FDX1: variants seen among roughly 807,000 people sequenced by gnomAD.
FDX1 encodes adrenodoxin, mitochondrial.
A neutral mutation model predicts 14.9 loss-of-function variants in FDX1; 9 were observed. The observed-to-expected ratio is 0.60, with a 90% CI of 0.36 to 1.05. The LOEUF (loss-of-function observed/expected upper bound fraction) is 1.05, where lower values mean the gene tolerates loss of function less well. FDX1 is among the 50% of genes least tolerant of loss of function. FDX1 has a pLI of 0.01. For missense variants in FDX1, 204 were observed against 237.2 expected (o/e 0.86, Z 0.92); for synonymous variants, 92 against 99.4 (o/e 0.93, Z 0.44).
intron 1 of FDX1, among the ~76,000 whole-genome samples, chr11:110,432,462 G>T (rs1946338026): frequency 6.6e-6 from 1 of 152,040 alleles, no homozygotes; most frequent in African/African-American, 2.4e-5. Flanking sequence ...GTGGTGTTTG[G>T]TTAATGGGTT....
In FDX1 at chr11:110,454,896, A is replaced by C. The variant is rs553021816; in HGVS notation, c.311-2022A>C. On this transcript the variant is annotated intron_variant, in intron 2 of 3. Transcript: ENST00000260270. ...AGTCTGGCTAACAGCCCATGCCCCT[A>C]ACTCTGAACTTCACTATATGGTCTC... Among the ~76,000 whole-genome samples the C allele has an allele frequency of 6.6e-5, 10 of 152,334 alleles. No homozygotes were observed. In the South Asian group the frequency reaches 1.2e-3, roughly 19 times the overall value.
intron 2 of FDX1, among the ~76,000 whole-genome samples, chr11:110,456,509 C>CTTTTTTTTTTTTTTTTTTTTTT (rs11463993): frequency 2.4e-5 from 2 of 83,806 alleles, no homozygotes; most frequent in African/African-American, 4.9e-5. Context: ...TTTATGTATT[C>CTTTTTTTTTTTTTTTTTTTTTT]TTTTTTTTTT....
intron 3 of FDX1, 133 bp downstream of exon 3, chr11:110,457,180 G>A (rs1311387286): frequency 4.1e-6 from 3 of 728,590 alleles, no homozygotes; most frequent in East Asian, 5.8e-5. Flanking sequence ...CAGATTTTGA[G>A]TATCAGATAT....
intron 1 of FDX1, among the ~76,000 whole-genome samples, chr11:110,431,170 A>G (rs578184977): frequency 4.6e-5 from 7 of 152,360 alleles, no homozygotes; most frequent in Admixed American, 2.6e-4. Flanking sequence ...AGAGTTTTGT[A>G]TTAAATATTG....
intron 2 of FDX1, among the ~76,000 whole-genome samples, chr11:110,440,905 T>C (rs1386318730): frequency 2.0e-5 from 3 of 152,228 alleles, no homozygotes; most frequent in Non-Finnish European, 4.4e-5. Flanking sequence ...GTGGTCTGGC[T>C]GTGTCCACAC....
intron 2 of FDX1, among the ~76,000 whole-genome samples, chr11:110,444,721 T>TACAC (rs1476748297): frequency 1.9e-5 from 1 of 53,052 alleles, no homozygotes; most frequent in Non-Finnish European, 3.4e-5. Flanking sequence ...TATATATATA[T>TACAC]ACGTATATAT....
chr11:110,450,660 T>C (rs890209591), intron 2 of FDX1, among the ~76,000 whole-genome samples: 2 of 152,234 alleles, frequency 1.3e-5, no homozygotes, highest in Non-Finnish European at 1.5e-5. Flanking sequence ...GGATTTTAGA[T>C]TTTTAAACTT....
Position 110,430,203 on chromosome 11 carries a change from C to A in FDX1, c.83C>A (p.Ala28Asp). The A allele has an allele frequency of 8.2e-7, 1 of 1,222,372 alleles. No individual in the cohort carries two copies. The highest frequency in any genetic ancestry group is 1.0e-6 in the Non-Finnish European group (1 of 983,182). 75.7% of individuals were successfully genotyped at this position (1,222,372 alleles called of 1,614,324 possible). ...CCGGCCGGCCGGTGGCTGCACCACGCTGGGTCCCGCGCTGGATCCAGCGGC... is the reference window on the plus strand; with the variant it reads ...CCGGCCGGCCGGTGGCTGCACCACGATGGGTCCCGCGCTGGATCCAGCGGC... ...GGPAGRWLHH[A>D]GSRAGSSGLL... The change falls in exon 1 of 4, where the codon GCT becomes GAT. Residue 28 changes from alanine (A) to aspartate (D), a missense_variant. Ala to Asp is a moderately radical substitution (Grantham distance 126). Transcript: ENST00000260270.
intron 2 of FDX1, among the ~76,000 whole-genome samples, chr11:110,438,543 A>T (rs1016054125): frequency 2.7e-4 from 41 of 152,124 alleles, no homozygotes; most frequent in African/African-American, 9.7e-4. Flanking sequence ...CTCCTGCCTC[A>T]GTCTCCTGAG....
chr11:110,439,159 G>T lies in FDX1; in HGVS notation c.310+3201G>T, dbSNP rs149644520. Among the ~76,000 whole-genome samples the T allele has an allele frequency of 1.1e-4, 17 of 151,806 alleles. No individual in the cohort carries two copies. The East Asian group carries it at 2.9e-3, about 26-fold the overall frequency. On this transcript the variant is annotated intron_variant, in intron 2 of 3. Transcript: ENST00000260270. ...GATCTCAAATGATCTGCCCACCTTG[G>T]CCTCCCAAGTACTGGGATTACAGGT...
chr11:110,434,829 C>T lies in FDX1; in HGVS notation c.186-1005C>T, dbSNP rs114177582. The stretch of plus-strand genomic sequence containing the variant: ...CACTGCAGCCCTGAACTTCTGGGAT[C>T]GGGTGATCCACCTCAGCCCCATGAG... On this transcript the variant is annotated intron_variant, in intron 1 of 3. Transcript: ENST00000260270. 1.1e-3 allele frequency among the ~76,000 whole-genome samples: 168 copies of T among 146,964 alleles called. 2 individuals are homozygous for T. Among genetic ancestry groups the T allele is most frequent in the African/African-American group, 3.8e-3 (153 of 39,744 alleles).
At position 110,430,199 on chromosome 11, in the gene FDX1, C is replaced by G. The variant is rs1484834157; in HGVS notation, c.79C>G (p.His27Asp). The stretch of plus-strand genomic sequence containing the variant: ...CGGCCCGGCCGGCCGGTGGCTGCAC[C>G]ACGCTGGGTCCCGCGCTGGATCCAG... ...LGGPAGRWLH[H>D]AGSRAGSSGL... Residue 27 changes from histidine (H) to aspartate (D), a missense_variant, in exon 1 of 4, where the codon CAC (histidine) becomes GAC (aspartate). Transcript: ENST00000260270. The G allele has an allele frequency of 4.1e-6, 5 of 1,223,490 alleles. No individual in the cohort carries two copies. In the East Asian group the frequency reaches 1.0e-4, roughly 24 times the overall value. 75.8% of individuals were successfully genotyped at this position (1,223,490 alleles called of 1,614,324 possible).
intron 2 of FDX1, among the ~76,000 whole-genome samples, chr11:110,452,010 A>G (rs531971859): frequency 3.4e-4 from 52 of 152,322 alleles, no homozygotes; most frequent in African/African-American, 8.2e-4. Flanking sequence ...TGTTGAATCA[A>G]TTGGATATTC....
chr11:110,445,392 A>G (rs1946443956), intron 2 of FDX1, among the ~76,000 whole-genome samples: 1 of 143,628 alleles, frequency 7.0e-6, no homozygotes, highest in South Asian at 2.2e-4. Flanking sequence ...TTGTGACTAT[A>G]TATTACAGTA....
In FDX1 at chr11:110,430,058, T is replaced by C; in HGVS notation, c.-63T>C. 7 of 1,142,026 alleles carry C rather than the reference T, an allele frequency of 6.1e-6. No individual in the cohort carries two copies. Among genetic ancestry groups the C allele is most frequent in the Non-Finnish European group, 7.7e-6 (7 of 913,636 alleles). The allele number at this position is 1,142,026 out of a possible 1,614,324, so 70.7% of individuals were successfully genotyped here. A position where few individuals can be genotyped will look rare whatever the true frequency, so the allele number is the denominator to read the frequency against. The stretch of plus-strand genomic sequence containing the variant: ...GCCGCAGCTGCCGCCCCCGCCTCTT[T>C]GGAGTCTCTCGCGGCCTCAAAGCGC... On this transcript the variant is annotated 5_prime_UTR_variant, in exon 1 of 4. Transcript: ENST00000260270.
At chr11:110,434,884 G>A (rs1211216309) in intron 1 of FDX1, among the ~76,000 whole-genome samples, 1 of 151,716 alleles carries the variant, frequency 6.6e-6, no homozygotes, top group Non-Finnish European at 1.5e-5. Context: ...ATACCACCAT[G>A]CCTTTTATTT....
At chr11:110,456,335 A>G (rs1946521356) in intron 2 of FDX1, among the ~76,000 whole-genome samples, 1 of 152,100 alleles carries the variant, frequency 6.6e-6, no homozygotes, top group African/African-American at 2.4e-5. Flanking sequence ...TAAGCTCTCT[A>G]TTAGGACTAT....
At chr11:110,457,130 C>A (rs1565385168) in intron 3 of FDX1, 83 bp downstream of exon 3, 3 of 1,231,454 alleles carry the variant, frequency 2.4e-6, no homozygotes, top group East Asian at 5.0e-5. Context: ...AGACCAGACC[C>A]ATAAATGTAA....
At chr11:110,431,725 A>G (rs1363565911) in intron 1 of FDX1, among the ~76,000 whole-genome samples, 1 of 152,180 alleles carries the variant, frequency 6.6e-6, no homozygotes. Context: ...AGTAATTGGG[A>G]GTTATCTTTC....
Sources: allele counts gnomAD v4.1 joint callset (sites outside exome capture counted in the v4.1 genomes callset), GRCh38; gene constraint gnomAD v4.1.1; transcripts MANE v1.5; gene names NCBI Gene and HGNC (gene_info 2026-07-23, HGNC 2026-07-21).